ZNF654: variants seen among roughly 807,000 people sequenced by gnomAD.
ZNF654 encodes the protein melanoma-associated antigen.
A neutral mutation model predicts 95.3 loss-of-function variants in ZNF654; 19 were observed. The observed-to-expected ratio is 0.20, with a 90% CI of 0.14 to 0.29. The LOEUF is 0.29. ZNF654 is among the 10% of genes least tolerant of loss of function. ZNF654 has a pLI of 1.00. For synonymous variants in ZNF654, 413 were observed against 457.9 expected, an observed-to-expected ratio of 0.90 and a Z score of 1.25; for missense variants, 1,046 against 1,341.0, an observed-to-expected ratio of 0.78 and a Z score of 3.44.
intron 3 of ZNF654, among the ~76,000 whole-genome samples, chr3:88,118,249 A>G (rs1705533420): frequency 6.6e-6 from 1 of 152,106 alleles, no homozygotes; most frequent in African/African-American, 2.4e-5. Context: ...CCTGAGACAC[A>G]ACCTGTTTTT....
Position 88,142,443 on chromosome 3 carries a change from AATCTAAGACTT to A in ZNF654, c.*792_*802del, listed in dbSNP as rs1177338004. ...CAGTACTCTGGGGAGAGATGAAAGG[AATCTAAGACTT>A]TACAGGCTTTGTAGTTGAAGGAAAA... On this transcript the variant is annotated 3_prime_UTR_variant, in exon 9 of 9. Coordinates refer to ENST00000636215, the MANE Select transcript of ZNF654 (RefSeq NM_001350134.2). 6.6e-6 allele frequency: 1 copy of A among 152,384 alleles called. No individual in the cohort carries two copies. Among genetic ancestry groups the A allele is most frequent in the African/African-American group, 2.4e-5 (1 of 41,442 alleles). The allele number at this position is 152,384 out of a possible 1,614,324, so 9.4% of individuals were successfully genotyped here.
intron 2 of ZNF654, among the ~76,000 whole-genome samples, chr3:88,099,401 C>T (rs1704264682): frequency 6.6e-6 from 1 of 152,164 alleles, no homozygotes; most frequent in South Asian, 2.1e-4. Context: ...GCCATACTGC[C>T]CAAGGTAATT....
At chr3:88,102,681 A>G (rs1276287735) in intron 2 of ZNF654, among the ~76,000 whole-genome samples, 2 of 152,188 alleles carry the variant, frequency 1.3e-5, no homozygotes, top group Non-Finnish European at 2.9e-5. Context: ...ACAGAAGGTC[A>G]TGATACCAAC....
chr3:88,140,620 A>C lies in ZNF654; in HGVS notation c.2951A>C (p.Glu984Ala). ...SDIVNGHSEI[E>A]QTPLVSSDPA... Reference sequence around the variant, plus strand: ...ATAGTCAATGGACACAGTGAAATAGAGCAAACACCTTTAGTTTCATCAGAT... The same window carrying C: ...ATAGTCAATGGACACAGTGAAATAGCGCAAACACCTTTAGTTTCATCAGAT... Residue 984 changes from glutamate (E) to alanine (A), a missense_variant, in exon 8 of 9, where the codon GAG becomes GCG. By Grantham distance (107) the Glu-to-Ala change is moderately radical. Coordinates refer to ENST00000636215, the MANE Select transcript of ZNF654 (RefSeq NM_001350134.2). 5 of 1,613,764 alleles carry C rather than the reference A, an allele frequency of 3.1e-6. No homozygotes were observed. Among genetic ancestry groups the C allele is most frequent in the Non-Finnish European group, 4.2e-6 (5 of 1,179,740 alleles).
chr3:88,104,074 A>G (rs1177792263), intron 2 of ZNF654, among the ~76,000 whole-genome samples: 5 of 152,050 alleles, frequency 3.3e-5, no homozygotes. Flanking sequence ...CAGTTCGAGA[A>G]AATATATTTC....
intron 2 of ZNF654, among the ~76,000 whole-genome samples, chr3:88,092,481 G>T (rs1460772404): frequency 6.6e-6 from 1 of 152,118 alleles, no homozygotes; most frequent in Admixed American, 6.6e-5. Flanking sequence ...AATGTGCTGG[G>T]TGAGCTAACT....
At chr3:88,075,523 G>T (rs1343169551) in intron 1 of ZNF654, among the ~76,000 whole-genome samples, 1 of 152,166 alleles carries the variant, frequency 6.6e-6, no homozygotes, top group East Asian at 1.9e-4. Context: ...GCTTTTAGGA[G>T]CCCAGTAAAG....
intron 3 of ZNF654, among the ~76,000 whole-genome samples, chr3:88,119,843 G>A (rs1161841928): frequency 1.3e-5 from 2 of 151,988 alleles, no homozygotes; most frequent in Non-Finnish European, 2.9e-5. Flanking sequence ...CCATTAGCAT[G>A]GCAACTACCA....
intron 2 of ZNF654, among the ~76,000 whole-genome samples, chr3:88,093,622 A>G (rs1310683598): frequency 1.3e-5 from 2 of 152,182 alleles, no homozygotes; most frequent in Non-Finnish European, 2.9e-5. Context: ...TTGAGTGGCT[A>G]GATATTCTTG....
intron 6 of ZNF654, 82 bp downstream of exon 6, chr3:88,129,908 T>C: frequency 1.6e-6 from 2 of 1,239,662 alleles, no homozygotes; most frequent in African/African-American, 1.5e-5. Context: ...GTTTTTTACA[T>C]TGTATGAAAA....
intron 1 of ZNF654, among the ~76,000 whole-genome samples, chr3:88,081,469 GC>G (rs1417113001): frequency 4.6e-5 from 7 of 152,172 alleles, no homozygotes; most frequent in Non-Finnish European, 7.3e-5. Flanking sequence ...TGTGGTGTCT[GC>G]CTAATGGTGC....
chr3:88,099,924 C>A (rs1459375176), intron 2 of ZNF654, among the ~76,000 whole-genome samples: 2 of 152,152 alleles, frequency 1.3e-5, no homozygotes, highest in East Asian at 3.8e-4. Context: ...GCAAGGACTT[C>A]ATGACTAAAA....
chr3:88,062,226 A>G (rs1706925921), intron 1 of ZNF654, among the ~76,000 whole-genome samples: 1 of 152,182 alleles, frequency 6.6e-6, no homozygotes, highest in Non-Finnish European at 1.5e-5. Flanking sequence ...AAGGCCTACT[A>G]ACTCTTAAGC....
At chr3:88,063,973 A>G (rs545869963) in intron 1 of ZNF654, among the ~76,000 whole-genome samples, 53 of 152,182 alleles carry the variant, frequency 3.5e-4, no homozygotes, top group African/African-American at 1.1e-3. Context: ...ACCCACTTTC[A>G]TCTTGTGAGT....
At chr3:88,066,907 T>C (rs1390894046) in intron 1 of ZNF654, among the ~76,000 whole-genome samples, 2 of 152,212 alleles carry the variant, frequency 1.3e-5, no homozygotes, top group African/African-American at 4.8e-5. Flanking sequence ...GACACATTAA[T>C]TGTATATTAA....
At position 88,136,354 on chromosome 3, in the gene ZNF654, A is replaced by G. The variant is rs947790018; in HGVS notation, c.1035+1152A>G. Among the ~76,000 whole-genome samples the G allele has an allele frequency of 3.6e-4, 55 of 152,320 alleles. 1 individual carries two copies. The highest frequency in any genetic ancestry group is 1.2e-3 in the African/African-American group (50 of 41,574). ...TATAAAAGGAAAATTCAAAGATGAA[A>G]TAAGAATTAAAAATATGATGCTTAA... is the stretch of plus-strand genomic sequence containing the variant. On this transcript the variant is annotated intron_variant, in intron 7 of 8. Transcript: ENST00000636215.
chr3:88,088,720 G>C (rs1279755497), intron 2 of ZNF654, among the ~76,000 whole-genome samples: 1 of 67,750 alleles, frequency 1.5e-5, no homozygotes, highest in Non-Finnish European at 3.8e-5. Flanking sequence ...GTAAGAGTGA[G>C]GCAGTTTAAA....
At chr3:88,068,656 T>C (rs1317974990) in intron 1 of ZNF654, among the ~76,000 whole-genome samples, 3 of 152,214 alleles carry the variant, frequency 2.0e-5, no homozygotes, top group Non-Finnish European at 4.4e-5. Flanking sequence ...ATGCTGTATA[T>C]ATGTATATAA....
chr3:88,059,933 C>T (rs922431025), intron 1 of ZNF654, among the ~76,000 whole-genome samples: 5 of 152,028 alleles, frequency 3.3e-5, no homozygotes, highest in African/African-American at 9.7e-5. Flanking sequence ...GTGTTCTCCC[C>T]TTTTTTTCCG....
Sources: gnomAD v4.1 joint callset for allele counts (sites outside exome capture counted in the v4.1 genomes callset) on GRCh38, gnomAD v4.1.1 for gene constraint, MANE v1.5 for transcripts, NCBI Gene and HGNC (gene_info 2026-07-23, HGNC 2026-07-21) for gene names.